The following PRKN variants were observed in gnomAD, a reference collection of about 807,000 sequenced individuals.
PRKN encodes E3 ubiquitin-protein ligase parkin.
PRKN carries 56 observed loss-of-function variants against 59.5 expected under a neutral mutation model. The ratio of observed to expected loss-of-function variants is 0.94; its 90% confidence interval spans 0.76 to 1.18. The LOEUF (loss-of-function observed/expected upper bound fraction) is 1.18. Ranked by LOEUF, PRKN falls within the 50% of genes most tolerant of loss-of-function variation. The pLI, the probability that PRKN is intolerant of heterozygous loss-of-function variation, is 0.00. For synonymous variants in PRKN, 250 were observed against 222.1 expected (o/e 1.13, Z -1.12); for missense variants, 657 against 596.4 (o/e 1.10, Z -1.06).
intron 7 of PRKN, among the ~76,000 whole-genome samples, chr6:161,784,531 CAACATCACAGTCATTAGAGAAATGAA>C (rs750459102): frequency 2.7e-4 from 41 of 152,226 alleles, no homozygotes; most frequent in Admixed American, 1.0e-3. Flanking sequence ...TTAAGATAAT[CAACATCACAGTCATTAGAGAAATGAA>C]AATCAAATCC....
chr6:162,117,023 G>GT (rs1201499855), intron 4 of PRKN, among the ~76,000 whole-genome samples: 1 of 152,188 alleles, frequency 6.6e-6, no homozygotes, highest in African/African-American at 2.4e-5. Context: ...AGTGAAGTAT[G>GT]TTTTATCAAA....
At chr6:162,584,243 A>G (rs1780913800) in intron 1 of PRKN, among the ~76,000 whole-genome samples, 7 of 119,572 alleles carry the variant, frequency 5.9e-5, no homozygotes, top group African/African-American at 1.9e-4. Flanking sequence ...AAAAAACAAA[A>G]AACAAAAAAA....
At chr6:161,389,801 G>A (rs770561966) in intron 9 of PRKN, among the ~76,000 whole-genome samples, 4 of 152,140 alleles carry the variant, frequency 2.6e-5, no homozygotes, top group South Asian at 4.1e-4. Context: ...TTATTAGCTC[G>A]TGGATGAGAT....
chr6:162,477,675 A>T (rs1164229936), intron 1 of PRKN, among the ~76,000 whole-genome samples: 1 of 151,956 alleles, frequency 6.6e-6, no homozygotes, highest in East Asian at 1.9e-4. Flanking sequence ...CTCTTTTCTC[A>T]TCCTCCTCCT....
At chr6:162,110,325 C>T (rs9458460) in intron 4 of PRKN, among the ~76,000 whole-genome samples, 120,847 of 152,102 alleles carry the variant, frequency 0.79, 48,336 homozygotes, top group African/African-American at 0.88. Flanking sequence ...ACATTGGTAG[C>T]AACGTTTATG....
At chr6:162,177,715 C>T (rs1014560890) in intron 4 of PRKN, among the ~76,000 whole-genome samples, 9 of 151,866 alleles carry the variant, frequency 5.9e-5, no homozygotes, top group Non-Finnish European at 1.0e-4. Flanking sequence ...ACAACAAAGA[C>T]GGCAGAAGTT....
intron 6 of PRKN, among the ~76,000 whole-genome samples, chr6:161,934,042 T>TGTAATCCCC (rs1779265147): frequency 6.6e-6 from 1 of 152,238 alleles, no homozygotes; most frequent in Admixed American, 6.5e-5. Flanking sequence ...TTGTAATCCC[T>TGTAATCCCC]GTAATCCCCA....
At chr6:161,972,223 G>A (rs375665312) in intron 6 of PRKN, among the ~76,000 whole-genome samples, 31 of 148,746 alleles carry the variant, frequency 2.1e-4, no homozygotes, top group South Asian at 6.3e-4. Flanking sequence ...GCAGTGAGCC[G>A]AGATCCCGCC....
Position 162,310,751 on chromosome 6 carries a change from A to G in PRKN, c.172-47986T>C, listed in dbSNP as rs887636470. Among the ~76,000 whole-genome samples the G allele has an allele frequency of 1.2e-4, 7 of 60,780 alleles. No individual in the cohort carries two copies. In the African/African-American group the frequency reaches 1.4e-3, roughly 12 times the overall value. 39.9% of individuals were successfully genotyped at this position (60,780 alleles called of 152,430 possible). On this transcript the variant is annotated intron_variant, in intron 2 of 11. Coordinates refer to ENST00000366898, the MANE Select transcript of PRKN (RefSeq NM_004562.3). ...CTAGAACTTAAATTATAATAAAAAT[A>G]TATATATATAAAAAAAAGCAGCAAT...
intron 2 of PRKN, among the ~76,000 whole-genome samples, chr6:162,359,079 A>AAAAAAAAAAAAAAATATATAT (rs57265104): frequency 2.4e-5 from 2 of 83,274 alleles, no homozygotes; most frequent in African/African-American, 1.5e-4. Flanking sequence ...AAAAAAAAAA[A>AAAAAAAAAAAAAAATATATAT]ATATATATAT....
At chr6:162,236,956 CCT>C (rs1778757965) in intron 3 of PRKN, among the ~76,000 whole-genome samples, 1 of 151,746 alleles carries the variant, frequency 6.6e-6, no homozygotes, top group Admixed American at 6.6e-5. Context: ...AAGAAAAGCC[CCT>C]TTTGCCTAAC....
At chr6:162,520,497 G>A (rs1373914985) in intron 1 of PRKN, among the ~76,000 whole-genome samples, 2 of 152,048 alleles carry the variant, frequency 1.3e-5, no homozygotes, top group African/African-American at 4.8e-5. Flanking sequence ...TATTCTCTTG[G>A]TCACTCATAA....
In PRKN at chr6:161,876,281, G is replaced by T. The variant is rs568395401; in HGVS notation, c.735-90373C>A. Among the ~76,000 whole-genome samples the T allele has an allele frequency of 1.6e-4, 24 of 151,766 alleles. 1 individual carries two copies. In the South Asian group the frequency reaches 4.8e-3, roughly 30 times the overall value. ...TGAGATTATTGTCTTTCCATTTTTT[G>T]TTTTTTGGATGCCAATAATTTTTTA... On this transcript the variant is annotated intron_variant, in intron 6 of 11. Coordinates refer to ENST00000366898, the MANE Select transcript of PRKN (RefSeq NM_004562.3).
chr6:162,606,927 G>A (rs985365255), intron 1 of PRKN, among the ~76,000 whole-genome samples: 3 of 152,090 alleles, frequency 2.0e-5, no homozygotes, highest in Non-Finnish European at 4.4e-5. Context: ...AGGCCAGGCT[G>A]GTCTCAAACT....
intron 7 of PRKN, among the ~76,000 whole-genome samples, chr6:161,604,665 C>T (rs1055300630): frequency 1.1e-4 from 17 of 152,074 alleles, no homozygotes; most frequent in African/African-American, 1.7e-4. Flanking sequence ...CAAGCATGAA[C>T]GGTTCATGCC....
intron 10 of PRKN, among the ~76,000 whole-genome samples, chr6:161,380,820 TGAC>T (rs1400282308): frequency 6.6e-6 from 1 of 152,202 alleles, no homozygotes; most frequent in Non-Finnish European, 1.5e-5. Context: ...TTTATGCTAC[TGAC>T]ATCACAAAAT....
At chr6:161,477,456 T>G (rs1488386392) in intron 9 of PRKN, among the ~76,000 whole-genome samples, 1 of 141,534 alleles carries the variant, frequency 7.1e-6, no homozygotes. Context: ...GCAGAGGTTG[T>G]GGTGAGCCGA....
intron 9 of PRKN, among the ~76,000 whole-genome samples, chr6:161,495,004 A>G (rs1203687852): frequency 6.6e-6 from 1 of 152,252 alleles, no homozygotes; most frequent in Non-Finnish European, 1.5e-5. Flanking sequence ...CGAGCCACAC[A>G]TATAAATTGT....
intron 6 of PRKN, among the ~76,000 whole-genome samples, chr6:161,899,173 C>T (rs1777783876): frequency 6.6e-6 from 1 of 152,218 alleles, no homozygotes; most frequent in Non-Finnish European, 1.5e-5. Context: ...GCCAGGCACA[C>T]ATTTCACAGA....
Sources: gnomAD v4.1 joint callset for allele counts (sites outside exome capture counted in the v4.1 genomes callset) on GRCh38, gnomAD v4.1.1 for gene constraint, MANE v1.5 for transcripts, NCBI Gene and HGNC (gene_info 2026-07-23, HGNC 2026-07-21) for gene names.